The following TRPM1 variants were observed in gnomAD, a reference collection of about 807,000 sequenced individuals.
TRPM1 encodes the protein TRPM1-203 APA Isoform, Intron 10.
In TRPM1, 113 loss-of-function variants were observed where a neutral mutation model predicts 149.4. That is an observed-to-expected ratio of 0.76 (90% CI 0.65 to 0.88). The LOEUF (loss-of-function observed/expected upper bound fraction) is 0.88. Ranked by LOEUF, TRPM1 falls within the 40% of genes least tolerant of loss-of-function variation. The pLI is 0.00. For synonymous variants in TRPM1, 741 were observed against 759.5 expected, an observed-to-expected ratio of 0.98 and a Z score of 0.40; for missense variants, 1,976 against 2,038.7, an observed-to-expected ratio of 0.97 and a Z score of 0.59.
At chr15:31,133,010 G>A (rs1024575195) in intron 1 of TRPM1, among the ~76,000 whole-genome samples, 1 of 152,158 alleles carries the variant, frequency 6.6e-6, no homozygotes, top group Admixed American at 6.5e-5. Flanking sequence ...TATTAGCAGC[G>A]TGAGAACAGA....
At chr15:31,112,976 G>A (rs2035713777) in intron 1 of TRPM1, among the ~76,000 whole-genome samples, 1 of 152,140 alleles carries the variant, frequency 6.6e-6, no homozygotes, top group Admixed American at 6.5e-5. Context: ...GGAAAAACTC[G>A]ATTAACACAA....
intron 1 of TRPM1, among the ~76,000 whole-genome samples, chr15:31,155,056 A>T (rs1185004628): frequency 6.6e-6 from 1 of 152,206 alleles, no homozygotes; most frequent in African/African-American, 2.4e-5. Context: ...GCTCTGTTTA[A>T]GCAGCAGGCA....
rs1567003970 is a variant in TRPM1, at chr15:31,032,843, A to G, written c.2798T>C (p.Met933Thr). 1.9e-6 allele frequency: 3 copies of G among 1,614,236 alleles called. No individual in the cohort carries two copies. The highest frequency in any genetic ancestry group is 2.5e-6 in the Non-Finnish European group (3 of 1,180,048). Residue 933 changes from methionine to threonine, a missense_variant, in exon 22 of 28, where the codon ATG (methionine) becomes ACG (threonine). Coordinates refer to ENST00000256552, the MANE Select transcript of TRPM1 (RefSeq NM_001252024.2). ...CTGTAGGCGAAGAATTGCTCCAATCATGAATGTGGAAATGGCCACGAGATC... is the reference window on the plus strand; with the variant it reads ...CTGTAGGCGAAGAATTGCTCCAATCGTGAATGTGGAAATGGCCACGAGATC... Reference protein sequence around the residue: ...ITDLVAISTFMIGAILRLQNQ... With the variant: ...ITDLVAISTFTIGAILRLQNQ...
At position 31,081,392 on chromosome 15, in the gene TRPM1, G is replaced by A. The variant is rs750636038; in HGVS notation, c.-37C>T. The stretch of plus-strand genomic sequence containing the variant: ...AAGTTGATATAAGGAAATAGCCTCA[G>A]TCCAGCACTGCAAGTTACTGCTGAG... On this transcript the variant is annotated 5_prime_UTR_variant, in exon 2 of 28. Transcript: ENST00000256552. 2.6e-6 allele frequency: 4 copies of A among 1,535,026 alleles called. No homozygotes were observed. In the South Asian group the frequency reaches 3.6e-5, roughly 14 times the overall value.
intron 1 of TRPM1, among the ~76,000 whole-genome samples, chr15:31,128,591 T>C (rs552496203): frequency 1.3e-5 from 2 of 152,258 alleles, no homozygotes; most frequent in Admixed American, 6.5e-5. Context: ...CGGTGCTGGA[T>C]GGGGATGTGC....
At position 31,067,159 on chromosome 15, in the gene TRPM1, C is replaced by T. The variant is rs773963898; in HGVS notation, c.522G>A (p.Leu174=). The T allele has an allele frequency of 6.2e-7, 1 of 1,614,158 alleles. No homozygotes were observed. The highest frequency in any genetic ancestry group is 8.5e-7 in the Non-Finnish European group (1 of 1,180,030). ...CTCTGGACTTGGAGGAGTGGTCTTT[C>T]AAGGCATCCCCTACGTGGCTGATAA... ...TGVISHVGDA[L]KDHSSKSRGR... Residue 174 remains leucine (L), a synonymous_variant, in exon 6 of 28, where the codon TTG becomes TTA. Coordinates refer to ENST00000256552, the MANE Select transcript of TRPM1 (RefSeq NM_001252024.2).
chr15:31,032,555 AG>A, intron 22 of TRPM1, 133 bp downstream of exon 22: 1 of 1,038,690 alleles, frequency 9.6e-7, no homozygotes, highest in Non-Finnish European at 1.5e-6. Context: ...CTTAAAGCAA[AG>A]AATATTTCCT....
At chr15:31,027,616 T>C (rs1399888258) in intron 25 of TRPM1, among the ~76,000 whole-genome samples, 1 of 152,214 alleles carries the variant, frequency 6.6e-6, no homozygotes, top group Non-Finnish European at 1.5e-5. Flanking sequence ...ATGATTTCAT[T>C]GTCTACCAAT....
At position 31,001,510 on chromosome 15, in the gene TRPM1, C is replaced by T. The variant is rs2031760667; in HGVS notation, c.*312G>A. 5 of 367,990 alleles carry T rather than the reference C, an allele frequency of 1.4e-5. No homozygotes were observed. The South Asian group carries it at 1.4e-4, about 10-fold the overall frequency. 22.8% of individuals were successfully genotyped at this position (367,990 alleles called of 1,614,324 possible). On this transcript the variant is annotated 3_prime_UTR_variant, in exon 28 of 28. Transcript: ENST00000256552. ...GTGACCTAATGGTGACTTCAGTGCTCGAGGGCACTTCCTAGGCTATTTGGT... is the reference window on the plus strand; with the variant it reads ...GTGACCTAATGGTGACTTCAGTGCTTGAGGGCACTTCCTAGGCTATTTGGT...
intron 27 of TRPM1, among the ~76,000 whole-genome samples, chr15:31,012,027 A>G (rs552364112): frequency 1.3e-5 from 2 of 152,108 alleles, no homozygotes; most frequent in South Asian, 2.1e-4. Context: ...TCCTCCCCCC[A>G]TGTTATTCTG....
chr15:31,046,084 A>C (rs2033753237), intron 16 of TRPM1, 120 bp downstream of exon 16: 2 of 884,362 alleles, frequency 2.3e-6, no homozygotes, highest in Non-Finnish European at 3.7e-6. Flanking sequence ...ATATAATTTG[A>C]CTAAGACATC....
chr15:31,109,874 C>T lies in TRPM1; in HGVS notation c.55-32890G>A, dbSNP rs114916410. Among the ~76,000 whole-genome samples, 935 of 152,006 alleles carry T rather than the reference C, an allele frequency of 6.2e-3. 12 individuals are homozygous for T. Among genetic ancestry groups the T allele is most frequent in the African/African-American group, 0.022 (896 of 41,478 alleles). ...GCTTGGTTCCCAGGCTGGAGACGGG[C>T]GATGGGCAAAGAAAGAGGACAATAA... is the stretch of plus-strand genomic sequence containing the variant. On this transcript the variant is annotated intron_variant, in intron 1 of 26. Transcript: ENST00000542188.
chr15:31,067,329 A>G (rs2034406392), intron 5 of TRPM1, 142 bp from the exon 6 acceptor site: 2 of 1,261,880 alleles, frequency 1.6e-6, no homozygotes, highest in South Asian at 1.2e-5. Flanking sequence ...CATTAAAACA[A>G]AGTACACTGA....
At chr15:31,137,394 C>A (rs1198941867) in intron 1 of TRPM1, among the ~76,000 whole-genome samples, 1 of 152,188 alleles carries the variant, frequency 6.6e-6, no homozygotes, top group Non-Finnish European at 1.5e-5. Flanking sequence ...GCCCCAGAAG[C>A]TGCAGATATT....
chr15:31,049,439 A>G lies in TRPM1; in HGVS notation c.1508T>C (p.Ile503Thr), dbSNP rs377520227. The G allele has an allele frequency of 7.3e-5, 118 of 1,614,062 alleles. No individual in the cohort carries two copies. The highest frequency in any genetic ancestry group is 1.4e-4 in the South Asian group (13 of 91,084). Residue 503 changes from isoleucine (I) to threonine (T), a missense_variant, in exon 13 of 28, where the codon ATT becomes ACT. Ile to Thr is a moderately conservative substitution (Grantham distance 89, BLOSUM62 -1). Coordinates refer to ENST00000256552, the MANE Select transcript of TRPM1 (RefSeq NM_001252024.2). ...LDRVDFVKLL[I>T]ENGVNMQHFL... The stretch of plus-strand genomic sequence containing the variant: ...GTGTTGCATGTTCACTCCGTTTTCA[A>G]TCAGGAGCTTCACAAAGTCGACACG...
At chr15:31,058,997 C>T (rs555264016) in intron 11 of TRPM1, among the ~76,000 whole-genome samples, 5 of 152,222 alleles carry the variant, frequency 3.3e-5, no homozygotes, top group Non-Finnish European at 5.9e-5. Context: ...GCAGGAGAAT[C>T]GCTTGAATCC....
intron 1 of TRPM1, among the ~76,000 whole-genome samples, chr15:31,113,426 C>CT (rs1026644592): frequency 9.6e-6 from 1 of 104,406 alleles, no homozygotes; most frequent in African/African-American, 3.4e-5. Context: ...ATACCCAGCT[C>CT]TGACAGTTTT....
intron 27 of TRPM1, among the ~76,000 whole-genome samples, chr15:31,016,267 A>C (rs1229064073): frequency 6.6e-6 from 1 of 152,258 alleles, no homozygotes; most frequent in Non-Finnish European, 1.5e-5. Context: ...TAGTGAAATA[A>C]CTTATAACTA....
rs147336594 is a variant in TRPM1 at position 31,015,145 on chromosome 15, C to A, written c.3629+10994G>T. Among the ~76,000 whole-genome samples, 530 of 67,322 alleles carry A rather than the reference C, an allele frequency of 7.9e-3. 5 individuals are homozygous for A. The highest frequency in any genetic ancestry group is 0.031 in the African/African-American group (510 of 16,312). 44.2% of individuals were successfully genotyped at this position (67,322 alleles called of 152,430 possible). ...AACCTTGGCTGGGCACGGTGGCTCACGCCTGTAATCCCAGCATTTGGGAGG... is the reference window on the plus strand; with the variant it reads ...AACCTTGGCTGGGCACGGTGGCTCAAGCCTGTAATCCCAGCATTTGGGAGG... On this transcript the variant is annotated intron_variant, in intron 27 of 27. Transcript: ENST00000256552.
Sources: allele counts gnomAD v4.1 joint callset (sites outside exome capture counted in the v4.1 genomes callset), GRCh38; gene constraint gnomAD v4.1.1; transcripts MANE v1.5; gene names NCBI Gene and HGNC (gene_info 2026-07-23, HGNC 2026-07-21).